NCKAP5: variants seen among roughly 807,000 people sequenced by gnomAD.
NCKAP5 encodes nck-associated protein 5.
NCKAP5 carries 92 observed loss-of-function variants against 167.0 expected under a neutral mutation model. The observed-to-expected ratio is 0.55, with a 90% CI of 0.47 to 0.66. The LOEUF (loss-of-function observed/expected upper bound fraction) is 0.66, where lower values mean the gene tolerates loss of function less well. Ranked by LOEUF, NCKAP5 falls within the 30% of genes least tolerant of loss-of-function variation. The pLI is 0.00. For missense variants in NCKAP5, 2,378 were observed against 2,315.0 expected (o/e 1.03, Z -0.56); for synonymous variants, 891 against 877.4 (o/e 1.02, Z -0.27).
At chr2:133,237,280 G>T (rs1376153915) in intron 4 of NCKAP5, among the ~76,000 whole-genome samples, 2 of 152,062 alleles carry the variant, frequency 1.3e-5, no homozygotes, top group African/African-American at 4.8e-5. Context: ...GTAAACCCTT[G>T]CTTGATGGAG....
Position 133,336,317 on chromosome 2 carries a change from G to A in NCKAP5, c.70-33207C>T, listed in dbSNP as rs72987693. Among the ~76,000 whole-genome samples, 1,098 of 152,078 alleles carry A rather than the reference G, an allele frequency of 7.2e-3. 16 individuals are homozygous for A. The highest frequency in any genetic ancestry group is 0.025 in the African/African-American group (1,030 of 41,468). On this transcript the variant is annotated intron_variant, in intron 3 of 19. Coordinates refer to ENST00000409261, the MANE Select transcript of NCKAP5 (RefSeq NM_207363.3). The stretch of plus-strand genomic sequence containing the variant: ...CAGACTAGGAATTTAATTTGTGATC[G>A]CACACCAAGTAAGCGGCTAAGTTGG...
chr2:133,458,402 A>C (rs188479798), intron 3 of NCKAP5, among the ~76,000 whole-genome samples: 14 of 152,280 alleles, frequency 9.2e-5, no homozygotes, highest in Non-Finnish European at 1.8e-4. Context: ...ATTTAAAAAC[A>C]TGAGCAACAT....
At chr2:133,079,479 AT>A (rs1303208717) in intron 6 of NCKAP5, among the ~76,000 whole-genome samples, 1 of 152,184 alleles carries the variant, frequency 6.6e-6, no homozygotes, top group African/African-American at 2.4e-5. Context: ...CAGCAATGTT[AT>A]TGGAAGAAGA....
intron 8 of NCKAP5, among the ~76,000 whole-genome samples, chr2:132,887,591 C>T (rs767806762): frequency 6.6e-6 from 1 of 152,152 alleles, no homozygotes; most frequent in South Asian, 2.1e-4. Flanking sequence ...CTAAAGCTCC[C>T]GTGTTCCTTC....
At chr2:133,050,557 G>T (rs1211452455) in intron 6 of NCKAP5, among the ~76,000 whole-genome samples, 2 of 152,146 alleles carry the variant, frequency 1.3e-5, no homozygotes, top group Non-Finnish European at 2.9e-5. Context: ...ATCTACTTGG[G>T]GAAGGAACAA....
At chr2:133,540,162 C>T (rs535151827) in intron 2 of NCKAP5, among the ~76,000 whole-genome samples, 35 of 152,210 alleles carry the variant, frequency 2.3e-4, no homozygotes, top group African/African-American at 8.4e-4. Context: ...GCCTGGGTGA[C>T]AGAGTGAAAC....
intron 6 of NCKAP5, among the ~76,000 whole-genome samples, chr2:133,074,272 G>A (rs527420890): frequency 2.0e-5 from 3 of 151,646 alleles, no homozygotes; most frequent in Non-Finnish European, 4.4e-5. Context: ...AGCAGCTTTT[G>A]TAATGATATT....
At chr2:133,197,471 C>A (rs1247979625) in intron 5 of NCKAP5, among the ~76,000 whole-genome samples, 1 of 152,064 alleles carries the variant, frequency 6.6e-6, no homozygotes, top group Non-Finnish European at 1.5e-5. Flanking sequence ...ACAAAGAATA[C>A]CATAATACAA....
At chr2:132,933,970 A>G (rs1047161722) in intron 8 of NCKAP5, among the ~76,000 whole-genome samples, 5 of 152,228 alleles carry the variant, frequency 3.3e-5, no homozygotes, top group African/African-American at 1.2e-4. Flanking sequence ...TTGGCATATT[A>G]GCATGAAAGG....
At chr2:133,195,830 T>C (rs2085412125) in intron 5 of NCKAP5, among the ~76,000 whole-genome samples, 9 of 152,126 alleles carry the variant, frequency 5.9e-5, no homozygotes, top group Admixed American at 5.9e-4. Context: ...TGTGATATAG[T>C]GTATCTCAGG....
chr2:133,085,969 T>C (rs76440481), intron 6 of NCKAP5, among the ~76,000 whole-genome samples: 13,684 of 152,154 alleles, frequency 0.09, 897 homozygotes, highest in African/African-American at 0.18. Context: ...AACCAGGAAG[T>C]GCAAAAATTC....
intron 3 of NCKAP5, among the ~76,000 whole-genome samples, chr2:133,478,610 A>G (rs1036701768): frequency 6.6e-6 from 1 of 152,212 alleles, no homozygotes; most frequent in Non-Finnish European, 1.5e-5. Flanking sequence ...TGCAGATGCT[A>G]TAACACTTAT....
At chr2:133,593,775 C>T in the NCKAP5 span, among the ~76,000 whole-genome samples, 1,700 of 152,294 alleles carry the variant, frequency 0.011, 18 homozygotes, top group South Asian at 0.025. Context: ...TCTCTTCCAG[C>T]CTCTGTTTCT....
intron 3 of NCKAP5, among the ~76,000 whole-genome samples, chr2:133,499,923 CACA>C (rs1682343187): frequency 1.3e-5 from 2 of 152,226 alleles, no homozygotes; most frequent in South Asian, 2.1e-4. Context: ...TTGTTTCTGA[CACA>C]ACACCATTTT....
At chr2:133,424,920 T>C (rs1436515714) in intron 3 of NCKAP5, among the ~76,000 whole-genome samples, 2 of 152,192 alleles carry the variant, frequency 1.3e-5, no homozygotes, top group Non-Finnish European at 2.9e-5. Context: ...ATTCAAAGCA[T>C]TTTGACAAAA....
At chr2:132,835,642 A>C (rs1687839661) in intron 11 of NCKAP5, among the ~76,000 whole-genome samples, 1 of 150,984 alleles carries the variant, frequency 6.6e-6, no homozygotes, top group Admixed American at 6.6e-5. Context: ...CCTGCCTTTA[A>C]TGAACTAACT....
intron 19 of NCKAP5, among the ~76,000 whole-genome samples, chr2:132,696,719 A>C (rs1687351568): frequency 6.6e-6 from 1 of 152,190 alleles, no homozygotes; most frequent in African/African-American, 2.4e-5. Flanking sequence ...GGAGAGAAAA[A>C]AAACTCAAAA....
intron 8 of NCKAP5, among the ~76,000 whole-genome samples, chr2:132,912,770 T>C (rs1295602507): frequency 3.9e-5 from 6 of 152,220 alleles, no homozygotes; most frequent in South Asian, 2.1e-4. Flanking sequence ...AGGAACACGA[T>C]AGCCGAAATC....
At chr2:133,062,650 T>C (rs888397228) in intron 6 of NCKAP5, among the ~76,000 whole-genome samples, 5 of 152,222 alleles carry the variant, frequency 3.3e-5, no homozygotes, top group Admixed American at 1.3e-4. Flanking sequence ...ATCTGGTAGA[T>C]GGCCTGCTAT....
Sources: gnomAD v4.1 joint callset for allele counts (sites outside exome capture counted in the v4.1 genomes callset) on GRCh38, gnomAD v4.1.1 for gene constraint, MANE v1.5 for transcripts, NCBI Gene and HGNC (gene_info 2026-07-23, HGNC 2026-07-21) for gene names.